TLE2: variants seen among roughly 807,000 people sequenced by gnomAD.
TLE2 encodes the protein TLE family member 2, transcriptional corepressor, also known as transducin-like enhancer protein 2.
TLE2 carries 74 observed loss-of-function variants against 97.2 expected under a neutral mutation model. That is an observed-to-expected ratio of 0.76 (90% CI 0.63 to 0.92). The LOEUF (loss-of-function observed/expected upper bound fraction) is 0.92, where lower values mean the gene tolerates loss of function less well. Ranked by LOEUF, TLE2 falls within the 40% of genes least tolerant of loss-of-function variation. TLE2 has a pLI of 0.00. For missense variants in TLE2, 1,038 were observed against 1,008.7 expected, an observed-to-expected ratio of 1.03 and a Z score of -0.39; for synonymous variants, 499 against 432.1, an observed-to-expected ratio of 1.15 and a Z score of -1.92.
intron 9 of TLE2, 57 bp from the exon 10 acceptor site, chr19:3,014,671 C>T: frequency 6.8e-6 from 10 of 1,468,322 alleles, no homozygotes; most frequent in Non-Finnish European, 9.1e-6. Flanking sequence ...TCCACACCCC[C>T]TATCCGCTCC....
chr19:2,999,555 G>A (rs12982139), intron 19 of TLE2, among the ~76,000 whole-genome samples: 34,144 of 151,108 alleles, frequency 0.23, 4,023 homozygotes, highest in Admixed American at 0.29. Context: ...GTGAAACCCC[G>A]TCTCTACTAA....
intron 8 of TLE2, among the ~76,000 whole-genome samples, chr19:3,016,571 C>G (rs2089710512): frequency 7.6e-6 from 1 of 131,716 alleles, no homozygotes; most frequent in African/African-American, 2.8e-5. Context: ...GCCTGGGCGA[C>G]AGGGCAAGAC....
rs2089783440 is a variant in TLE2, at chr19:3,019,195, C to T, written c.550+88G>A. ...TTATAGGCATGAGCCACTTCATCCC[C>T]TCACGCTGATGTTTGCTACCCTGGA... On this transcript the variant is annotated intron_variant, in intron 7 of 19. Coordinates refer to ENST00000262953, the MANE Select transcript of TLE2 (RefSeq NM_003260.5). This position sits in a 1 kb window ranked among gnomAD's most constrained non-coding sequence, Gnocchi z 5.1. 3 of 1,500,662 alleles carry T rather than the reference C, an allele frequency of 2.0e-6. No individual in the cohort carries two copies. Among genetic ancestry groups the T allele is most frequent in the East Asian group, 2.5e-5 (1 of 40,520 alleles). 93.0% of individuals were successfully genotyped at this position (1,500,662 alleles called of 1,614,324 possible). A position where few individuals can be genotyped will look rare whatever the true frequency, so the allele number is the denominator to read the frequency against.
At chr19:2,998,405 G>A (rs1156472029) in intron 19 of TLE2, among the ~76,000 whole-genome samples, 1 of 151,860 alleles carries the variant, frequency 6.6e-6, no homozygotes, top group Admixed American at 6.6e-5. Context: ...GAACTCCCAA[G>A]CAGCTGGGAT....
intron 1 of TLE2, among the ~76,000 whole-genome samples, chr19:3,035,534 G>GAA (rs990543755): frequency 1.7e-4 from 25 of 144,052 alleles, no homozygotes; most frequent in Admixed American, 1.2e-3. Flanking sequence ...TGGGTTTACG[G>GAA]AAAAAAAAAA....
intron 17 of TLE2, 65 bp from the exon 18 acceptor site, chr19:3,002,568 T>TCAA: frequency 1.3e-6 from 2 of 1,523,248 alleles, no homozygotes; most frequent in South Asian, 1.2e-5. Context: ...AGACAGGGTC[T>TCAA]CACTCCGTCA....
rs1275115803 is a variant in TLE2 at position 3,002,387 on chromosome 19, C to A, written c.2013G>T (p.Glu671Asp). The A allele has an allele frequency of 3.7e-6, 6 of 1,613,630 alleles. No homozygotes were observed. The East Asian group carries it at 8.9e-5, about 24-fold the overall frequency. The change falls in exon 18 of 20, where the codon GAG (glutamate) becomes GAT (aspartate). Residue 671 changes from glutamate to aspartate, a missense_variant. Coordinates refer to ENST00000262953, the MANE Select transcript of TLE2 (RefSeq NM_003260.5). ...KPEKYQLHLH[E>D]SCVLSLKFAS... Reference sequence around the variant, plus strand: ...CAAACTTCAGGGACAGCACGCAGCTCTCGTGGAGGTGCAGCTGGTATTTCT... The same window carrying A: ...CAAACTTCAGGGACAGCACGCAGCTATCGTGGAGGTGCAGCTGGTATTTCT...
At chr19:3,045,743 G>T in exon 1 of TLE2, 1 of 448,254 alleles carries the variant, frequency 2.2e-6, no homozygotes, top group South Asian at 1.6e-5. Context: ...CCTGAAGCAG[G>T]AGAATCTTGG....
chr19:3,033,028 G>A (rs1308039892), upstream of TLE2, among the ~76,000 whole-genome samples: 1 of 151,458 alleles, frequency 6.6e-6, no homozygotes. Flanking sequence ...CCGCCTCCCA[G>A]TTTCAAGCGA....
intron 5 of TLE2, among the ~76,000 whole-genome samples, chr19:3,021,784 T>C (rs995325050): frequency 6.6e-5 from 10 of 152,086 alleles, no homozygotes; most frequent in African/African-American, 9.7e-5. Context: ...GGTTTCACCA[T>C]GTTGACCAGG....
chr19:3,040,126 C>T (rs552362274), intron 1 of TLE2, among the ~76,000 whole-genome samples: 1 of 152,238 alleles, frequency 6.6e-6, no homozygotes, highest in South Asian at 2.1e-4. Flanking sequence ...GCAACCCCAT[C>T]ACCCACACCA....
At position 3,019,244 on chromosome 19, in the gene TLE2, C is replaced by G; in HGVS notation, c.550+39G>C. ...GACTGCCAGTCGTCCTCCCCAGCCC[C>G]GTCTCCCCAGCCAATGCCACCCCGT... On this transcript the variant is annotated intron_variant, in intron 7 of 19. Coordinates refer to ENST00000262953, the MANE Select transcript of TLE2 (RefSeq NM_003260.5). The surrounding 1 kb of genome is among the most constrained non-coding windows in gnomAD (Gnocchi z 5.1). 1 of 1,550,062 alleles carries G rather than the reference C, an allele frequency of 6.5e-7. No individual in the cohort carries two copies. The highest frequency in any genetic ancestry group is 8.7e-7 in the Non-Finnish European group (1 of 1,155,586).
chr19:3,004,700 C>T (rs138624472), intron 17 of TLE2, among the ~76,000 whole-genome samples: 2 of 150,772 alleles, frequency 1.3e-5, no homozygotes, highest in East Asian at 3.9e-4. Flanking sequence ...TGAGATGGGT[C>T]TTGAGGGATG....
intron 8 of TLE2, among the ~76,000 whole-genome samples, chr19:3,016,184 C>T (rs944974163): frequency 2.6e-5 from 4 of 151,874 alleles, no homozygotes; most frequent in Non-Finnish European, 5.9e-5. Flanking sequence ...GATCCACCTG[C>T]CTCGGCCTCC....
intron 19 of TLE2, among the ~76,000 whole-genome samples, chr19:2,998,628 A>G (rs1378748134): frequency 6.6e-6 from 1 of 152,064 alleles, no homozygotes; most frequent in East Asian, 1.9e-4. Flanking sequence ...TGGCCAGGCT[A>G]GTCTCAAACT....
intron 1 of TLE2, among the ~76,000 whole-genome samples, chr19:3,034,522 T>G (rs956347721): frequency 6.6e-6 from 1 of 151,428 alleles, no homozygotes; most frequent in Admixed American, 6.6e-5. Flanking sequence ...TTCCCACCTC[T>G]GAGCCTTTCC....
intron 8 of TLE2, among the ~76,000 whole-genome samples, chr19:3,016,847 C>T (rs1056065451): frequency 1.2e-4 from 18 of 151,868 alleles, no homozygotes; most frequent in African/African-American, 1.7e-4. Context: ...GGCGCAATCT[C>T]GGCTCACTGC....
At chr19:3,012,298 C>T (rs1284232914) in intron 11 of TLE2, among the ~76,000 whole-genome samples, 1 of 152,146 alleles carries the variant, frequency 6.6e-6, no homozygotes. Flanking sequence ...TCACTGCAGC[C>T]TCAACCTCCC....
At chr19:3,004,727 T>A (rs1287837927) in intron 17 of TLE2, among the ~76,000 whole-genome samples, 1 of 151,382 alleles carries the variant, frequency 6.6e-6, no homozygotes, top group Admixed American at 6.6e-5. Context: ...AGTTTGCCAA[T>A]TACAGAAAGA....
Sources: allele counts gnomAD v4.1 joint callset (sites outside exome capture counted in the v4.1 genomes callset), GRCh38; gene constraint gnomAD v4.1.1; non-coding constraint Gnocchi (gnomAD v3.1); transcripts MANE v1.5; gene names NCBI Gene and HGNC (gene_info 2026-07-23, HGNC 2026-07-21).